Variants in ATAD2B observed in about 807,000 individuals in gnomAD.
ATAD2B encodes ATPase family AAA domain containing 2B.
Under a neutral mutation model 167.6 loss-of-function variants are expected in ATAD2B, and 40 were observed. The observed-to-expected ratio is 0.24, with a 90% confidence interval of 0.19 to 0.31. The LOEUF is 0.31. Among genes scored for constraint, ATAD2B ranks in the 10% least tolerant of loss-of-function variants. ATAD2B has a pLI of 1.00. For missense variants in ATAD2B, 1,242 were observed against 1,757.2 expected (o/e 0.71, Z 5.24); for synonymous variants, 579 against 596.5 (o/e 0.97, Z 0.43).
the ATAD2B span, among the ~76,000 whole-genome samples, chr2:23,725,597 T>C: frequency 6.6e-6 from 1 of 152,160 alleles, no homozygotes; most frequent in Non-Finnish European, 1.5e-5. Flanking sequence ...TAGGTATGTA[T>C]ATTGTAAGCC....
chr2:23,896,957 T>C (rs1461966121), intron 1 of ATAD2B, among the ~76,000 whole-genome samples: 1 of 152,024 alleles, frequency 6.6e-6, no homozygotes, highest in Non-Finnish European at 1.5e-5. Context: ...GGTGAACCCA[T>C]TTCCACTAAA....
chr2:23,907,146 G>A (rs1341024154), intron 1 of ATAD2B, among the ~76,000 whole-genome samples: 2 of 151,460 alleles, frequency 1.3e-5, no homozygotes, highest in Non-Finnish European at 3.0e-5. Flanking sequence ...GGAAATAAAG[G>A]GTATTCAATT....
intron 24 of ATAD2B, among the ~76,000 whole-genome samples, chr2:23,761,313 A>AT (rs1676714177): frequency 6.6e-6 from 1 of 152,246 alleles, no homozygotes; most frequent in African/African-American, 2.4e-5. Flanking sequence ...GTGAAACAAC[A>AT]TATTATAGCT....
chr2:23,834,360 C>T (rs1315175645), intron 13 of ATAD2B, among the ~76,000 whole-genome samples: 4 of 151,820 alleles, frequency 2.6e-5, no homozygotes, highest in Admixed American at 1.3e-4. Flanking sequence ...TGGGGTTTCG[C>T]TATATTGGTC....
At chr2:23,777,338 C>A (rs1437073586) in intron 22 of ATAD2B, among the ~76,000 whole-genome samples, 3 of 127,918 alleles carry the variant, frequency 2.3e-5, no homozygotes, top group African/African-American at 8.4e-5. Context: ...ATGGATCTAT[C>A]ATAATACTGA....
chr2:23,848,952 T>C (rs1376015056), intron 13 of ATAD2B, among the ~76,000 whole-genome samples: 1 of 152,150 alleles, frequency 6.6e-6, no homozygotes, highest in African/African-American at 2.4e-5. Flanking sequence ...TACATACATA[T>C]AGTATATATA....
At chr2:23,918,197 C>G (rs1482303590) in intron 1 of ATAD2B, among the ~76,000 whole-genome samples, 2 of 117,114 alleles carry the variant, frequency 1.7e-5, no homozygotes, top group Non-Finnish European at 3.4e-5. Flanking sequence ...AAAACCTTGT[C>G]TCTACAAAAA....
At chr2:23,804,410 C>T (rs1042639864) in intron 18 of ATAD2B, among the ~76,000 whole-genome samples, 4 of 152,066 alleles carry the variant, frequency 2.6e-5, no homozygotes, top group Admixed American at 2.6e-4. Context: ...CAGGAGGGGT[C>T]ACTCTAGAGT....
At chr2:23,835,571 C>G (rs1455487843) in intron 13 of ATAD2B, among the ~76,000 whole-genome samples, 1 of 152,168 alleles carries the variant, frequency 6.6e-6, no homozygotes, top group Non-Finnish European at 1.5e-5. Context: ...TGAAAATGTT[C>G]TAACATTGAC....
chr2:23,912,295 GAGGCCAGCCTGGGCAACAA>G (rs1163663150), intron 1 of ATAD2B, among the ~76,000 whole-genome samples: 2 of 151,922 alleles, frequency 1.3e-5, no homozygotes, highest in African/African-American at 4.8e-5. Flanking sequence ...CTAGGAATTT[GAGGCCAGCCTGGGCAACAA>G]AGGGAGATAA....
chr2:23,729,013 G>C, the ATAD2B span, among the ~76,000 whole-genome samples: 1 of 152,148 alleles, frequency 6.6e-6, no homozygotes, highest in Non-Finnish European at 1.5e-5. Context: ...GCAGGAGCAG[G>C]AGGAAGAGAA....
the ATAD2B span, among the ~76,000 whole-genome samples, chr2:23,740,364 G>C: frequency 6.6e-6 from 1 of 151,936 alleles, no homozygotes; most frequent in Non-Finnish European, 1.5e-5. Context: ...TGATCAAGTG[G>C]GCTTCATCCC....
chr2:23,824,531 T>C (rs1451123475), intron 15 of ATAD2B, among the ~76,000 whole-genome samples: 1 of 152,250 alleles, frequency 6.6e-6, no homozygotes, highest in Non-Finnish European at 1.5e-5. Flanking sequence ...TTGTAATTCA[T>C]CTGATAGTTC....
chr2:23,883,599 C>T (rs1458883715), intron 6 of ATAD2B: 1 of 1,296,210 alleles, frequency 7.7e-7, no homozygotes, highest in African/African-American at 1.5e-5. Flanking sequence ...CTCACCTATA[C>T]TGATTTTCTC....
intron 18 of ATAD2B, among the ~76,000 whole-genome samples, chr2:23,799,630 GA>G (rs1314810465): frequency 6.6e-6 from 1 of 150,558 alleles, no homozygotes; most frequent in Non-Finnish European, 1.5e-5. Flanking sequence ...GGGATTATCG[GA>G]AACTATCCTA....
At chr2:23,872,992 A>G (rs1032091377) in intron 8 of ATAD2B, 7 of 720,990 alleles carry the variant, frequency 9.7e-6, no homozygotes, top group Admixed American at 3.6e-5. Flanking sequence ...GGGCCAGATC[A>G]ACACCAGTTT....
chr2:23,766,464 C>T (rs1677422404), intron 22 of ATAD2B, among the ~76,000 whole-genome samples: 1 of 152,172 alleles, frequency 6.6e-6, no homozygotes, highest in Admixed American at 6.5e-5. Flanking sequence ...TACAGAGACA[C>T]TTTATAACTT....
Position 23,867,958 on chromosome 2 carries a change from A to G in ATAD2B, c.1077-12T>C, listed in dbSNP as rs1188791831. On this transcript the variant is annotated splice_polypyrimidine_tract_variant and intron_variant, in intron 9 of 27. Transcript: ENST00000238789. ...TCATAGGCAAACATCTGAAATTTATAAAAGTGCAAGTAAAGTTGCATTAAA... is the reference window on the plus strand; with the variant it reads ...TCATAGGCAAACATCTGAAATTTATGAAAGTGCAAGTAAAGTTGCATTAAA... 6.4e-7 allele frequency: 1 copy of G among 1,561,930 alleles called. No individual in the cohort carries two copies. Among genetic ancestry groups the G allele is most frequent in the Non-Finnish European group, 8.8e-7 (1 of 1,142,314 alleles).
At chr2:23,724,845 C>G in the ATAD2B span, among the ~76,000 whole-genome samples, 1 of 152,016 alleles carries the variant, frequency 6.6e-6, no homozygotes, top group Non-Finnish European at 1.5e-5. Flanking sequence ...AGATCAAGAC[C>G]ATCCTGGCTA....
Sources: gnomAD v4.1 joint callset for allele counts (sites outside exome capture counted in the v4.1 genomes callset) on GRCh38, gnomAD v4.1.1 for gene constraint, MANE v1.5 for transcripts, NCBI Gene and HGNC (gene_info 2026-07-23, HGNC 2026-07-21) for gene names.